Variants in DTX2 observed in about 807,000 individuals in gnomAD.
The protein encoded by DTX2 is probable E3 ubiquitin-protein ligase DTX2.
In DTX2, 29 loss-of-function variants were observed where a neutral mutation model predicts 55.3. The observed-to-expected ratio is 0.52, with a 90% CI of 0.39 to 0.71. The LOEUF is 0.71. Ranked by LOEUF, DTX2 falls within the 30% of genes least tolerant of loss-of-function variation. The pLI is 0.00. For synonymous variants in DTX2, 276 were observed against 340.4 expected (o/e 0.81, Z 2.08); for missense variants, 537 against 822.5 (o/e 0.65, Z 4.25).
chr7:76,502,166 T>A (rs1811778998), intron 7 of DTX2, 132 bp from the exon 8 acceptor site: 3 of 827,316 alleles, frequency 3.6e-6, no homozygotes, highest in Non-Finnish European at 5.6e-6. Flanking sequence ...CCTGAGCCAC[T>A]GCGCCTGGCC....
chr7:76,499,024 T>TA (rs1254967510), intron 6 of DTX2, among the ~76,000 whole-genome samples: 2 of 37,510 alleles, frequency 5.3e-5, no homozygotes, highest in African/African-American at 1.9e-4. Context: ...GTGGGGTGTG[T>TA]GAGGTGGGGT....
At chr7:76,482,228 C>T (rs1376130003) in intron 3 of DTX2, among the ~76,000 whole-genome samples, 2 of 150,656 alleles carry the variant, frequency 1.3e-5, no homozygotes, top group African/African-American at 4.9e-5. Flanking sequence ...GGTGTGGTGT[C>T]ATGTGCCTGT....
chr7:76,477,635 A>G (rs1478584483), intron 2 of DTX2, among the ~76,000 whole-genome samples: 1 of 142,856 alleles, frequency 7.0e-6, no homozygotes, highest in African/African-American at 2.7e-5. Flanking sequence ...CTGTCTCTAC[A>G]AAAAATTAAG....
intron 2 of DTX2, among the ~76,000 whole-genome samples, chr7:76,464,725 T>C (rs1443883698): frequency 6.6e-6 from 1 of 151,460 alleles, no homozygotes; most frequent in African/African-American, 2.5e-5. Context: ...TGGAGCACAC[T>C]GGAACATGTG....
chr7:76,503,343 G>A, intron 8 of DTX2, 83 bp from the exon 9 acceptor site: 10 of 1,479,744 alleles, frequency 6.8e-6, no homozygotes, highest in Non-Finnish European at 9.1e-6. Context: ...CATTCCCGGG[G>A]CCCTTTACCA....
chr7:76,467,708 G>T (rs1375773309), intron 2 of DTX2, among the ~76,000 whole-genome samples: 3 of 144,746 alleles, frequency 2.1e-5, no homozygotes, highest in African/African-American at 7.6e-5. Flanking sequence ...TTTAAGGAGC[G>T]TATGCATTCT....
At position 76,505,072 on chromosome 7, in the gene DTX2, G is replaced by T. The variant is rs546463318; in HGVS notation, c.1642-302G>T. Reference sequence around the variant, plus strand: ...AGGGAGGGTGGGTGGGCGGGCGCTCGTCCAGCAACGGCTGTGGAAGCAGGG... The same window carrying T: ...AGGGAGGGTGGGTGGGCGGGCGCTCTTCCAGCAACGGCTGTGGAAGCAGGG... On this transcript the variant is annotated intron_variant, in intron 10 of 10. Coordinates refer to ENST00000430490, the MANE Select transcript of DTX2 (RefSeq NM_001102594.3). This position sits in a 1 kb window ranked among gnomAD's most constrained non-coding sequence, Gnocchi z 4.4. Among the ~76,000 whole-genome samples the T allele has an allele frequency of 1.3e-5, 2 of 151,544 alleles. No homozygotes were observed. The highest frequency in any genetic ancestry group is 2.9e-5 in the Non-Finnish European group (2 of 67,838).
chr7:76,476,756 A>G (rs1196860281), intron 2 of DTX2, among the ~76,000 whole-genome samples: 220 of 151,764 alleles, frequency 1.4e-3, no homozygotes, highest in Middle Eastern at 3.4e-3. Flanking sequence ...AATTAGATGT[A>G]GGTATCAAAG....
intron 2 of DTX2, 131 bp from the exon 3 acceptor site, chr7:76,480,290 G>A (rs1462376549): frequency 9.3e-6 from 5 of 538,436 alleles, no homozygotes; most frequent in Non-Finnish European, 1.6e-5. Context: ...GGGTGAGAGA[G>A]TGAGACCCTG....
At chr7:76,493,885 T>C (rs1169452676) in intron 5 of DTX2, among the ~76,000 whole-genome samples, 2 of 121,422 alleles carry the variant, frequency 1.6e-5, no homozygotes, top group African/African-American at 2.8e-5. Context: ...GCCTGGGGCT[T>C]GGCGTGTGTG....
At chr7:76,488,629 C>A in intron 4 of DTX2, among the ~76,000 whole-genome samples, 1 of 76,274 alleles carries the variant, frequency 1.3e-5, no homozygotes, top group Non-Finnish European at 2.6e-5. Context: ...GGTAGGGTGG[C>A]TCACACCTGT....
intron 4 of DTX2, among the ~76,000 whole-genome samples, chr7:76,485,944 AAAG>A (rs1809826058): frequency 1.4e-5 from 1 of 70,472 alleles, no homozygotes; most frequent in African/African-American, 6.7e-5. Context: ...AAGTTACAGA[AAAG>A]AAGGTGGATG....
chr7:76,505,566 CA>C lies in DTX2; in HGVS notation c.1835del (p.Gln612ArgfsTer3). 6.3e-7 allele frequency: 1 copy of C among 1,596,116 alleles called. No individual in the cohort carries two copies. The highest frequency in any genetic ancestry group is 1.7e-5 in the Admixed American group (1 of 58,264). ...LQNVLAELAA[Q>X]GVTEDCLEQQ is the part of the protein sequence containing the mutation. Reference sequence around the variant, plus strand: ...GAACGTGCTGGCTGAGCTGGCTGCCCAGGGGGTGACCGAGGACTGCCTGGAG... The same window carrying C: ...GAACGTGCTGGCTGAGCTGGCTGCCCGGGGGTGACCGAGGACTGCCTGGAG... On this transcript the variant is annotated frameshift_variant, in exon 11 of 11. Transcript: ENST00000430490. LOFTEE classifies it high-confidence loss of function. The surrounding 1 kb of genome is among the most constrained non-coding windows in gnomAD (Gnocchi z 4.4).
At chr7:76,467,875 G>A (rs1298303688) in intron 2 of DTX2, among the ~76,000 whole-genome samples, 2 of 152,196 alleles carry the variant, frequency 1.3e-5, no homozygotes, top group Admixed American at 6.5e-5. Flanking sequence ...GGACAAGTGC[G>A]ATGGGCATTC....
At chr7:76,491,118 C>T (rs1199255312) in intron 4 of DTX2, among the ~76,000 whole-genome samples, 25 of 150,494 alleles carry the variant, frequency 1.7e-4, no homozygotes, top group South Asian at 1.3e-3. Context: ...CTGCCTCAGC[C>T]TCCCAAGTAG....
Position 76,505,763 on chromosome 7 carries a change from C to G in DTX2, c.*162C>G, listed in dbSNP as rs1454753735. The G allele has an allele frequency of 1.3e-6, 1 of 740,972 alleles. No homozygotes were observed. The highest frequency in any genetic ancestry group is 2.2e-6 in the Non-Finnish European group (1 of 453,380). The allele number at this position is 740,972 out of a possible 1,614,324, so 45.9% of individuals were successfully genotyped here. ...GGCTCCCCCTGCCTGCCTCTCTCTC[C>G]TCCTCCCCTCTGGGAATTGGGCAGC... On this transcript the variant is annotated 3_prime_UTR_variant, in exon 11 of 11. Transcript: ENST00000430490. The surrounding 1 kb of genome is among the most constrained non-coding windows in gnomAD (Gnocchi z 4.4).
chr7:76,483,588 G>A (rs1404034995), intron 4 of DTX2, among the ~76,000 whole-genome samples: 1 of 150,428 alleles, frequency 6.6e-6, no homozygotes, highest in African/African-American at 2.5e-5. Context: ...TGTCAGCGCG[G>A]TGTGAGGGAG....
chr7:76,463,051 A>G (rs1806763500), intron 1 of DTX2, among the ~76,000 whole-genome samples: 1 of 118,014 alleles, frequency 8.5e-6, no homozygotes, highest in African/African-American at 3.3e-5. Context: ...TGGGCGACAG[A>G]GGGAGACCCC....
At position 76,505,855 on chromosome 7, in the gene DTX2, C is replaced by T. The variant is rs56035536; in HGVS notation, c.*254C>T. 23 of 590,668 alleles carry T rather than the reference C, an allele frequency of 3.9e-5. 1 individual carries two copies. In the Middle Eastern group the frequency reaches 1.3e-3, roughly 34 times the overall value. 36.6% of individuals were successfully genotyped at this position (590,668 alleles called of 1,614,324 possible). A position where few individuals can be genotyped will look rare whatever the true frequency, so the allele number is the denominator to read the frequency against. Reference sequence around the variant, plus strand: ...TCAGTGCGCAGGGCCCGTCTGTCCTCTGGGGGCTGCTTCGGGCCCGCGGTG... The same window carrying T: ...TCAGTGCGCAGGGCCCGTCTGTCCTTTGGGGGCTGCTTCGGGCCCGCGGTG... On this transcript the variant is annotated 3_prime_UTR_variant, in exon 11 of 11. Transcript: ENST00000430490. The surrounding 1 kb of genome is among the most constrained non-coding windows in gnomAD (Gnocchi z 4.4).
Sources: gnomAD v4.1 joint callset for allele counts (sites outside exome capture counted in the v4.1 genomes callset) on GRCh38, gnomAD v4.1.1 for gene constraint, Gnocchi (gnomAD v3.1) non-coding constraint, MANE v1.5 for transcripts, NCBI Gene and HGNC (gene_info 2026-07-23, HGNC 2026-07-21) for gene names.